Variants in ADAMTS16 observed in about 807,000 individuals in gnomAD.
ADAMTS16 encodes A disintegrin and metalloproteinase with thrombospondin motifs 16.
In ADAMTS16, 94 loss-of-function variants were observed where a neutral mutation model predicts 145.8. The observed-to-expected ratio is 0.64, with a 90% CI of 0.55 to 0.77. ADAMTS16 has a LOEUF of 0.77. ADAMTS16 is among the 30% of genes least tolerant of loss of function. The pLI, the probability that ADAMTS16 is intolerant of heterozygous loss-of-function variation, is 0.00. For missense variants in ADAMTS16, 1,585 were observed against 1,591.5 expected, an observed-to-expected ratio of 1.00 and a Z score of 0.07; for synonymous variants, 659 against 604.3, an observed-to-expected ratio of 1.09 and a Z score of -1.33.
chr5:5,260,864 T>C (rs1044520510), intron 17 of ADAMTS16, among the ~76,000 whole-genome samples: 1 of 152,240 alleles, frequency 6.6e-6, no homozygotes, highest in African/African-American at 2.4e-5. Flanking sequence ...GGAACTGGCA[T>C]GAGGGATTTT....
chr5:5,266,206 GC>G (rs1341286712), intron 18 of ADAMTS16, among the ~76,000 whole-genome samples: 1 of 152,152 alleles, frequency 6.6e-6, no homozygotes, highest in Admixed American at 6.5e-5. Flanking sequence ...ACTCTGTGAA[GC>G]CCATCTAGAG....
intron 3 of ADAMTS16, among the ~76,000 whole-genome samples, chr5:5,175,255 A>G (rs553744320): frequency 1.4e-4 from 21 of 152,060 alleles, no homozygotes; most frequent in Non-Finnish European, 2.2e-4. Flanking sequence ...ATTCCCTTCA[A>G]TGCAGCTGGT....
intron 18 of ADAMTS16, among the ~76,000 whole-genome samples, chr5:5,297,442 T>G (rs1053947999): frequency 2.0e-5 from 3 of 152,228 alleles, no homozygotes; most frequent in Admixed American, 2.0e-4. Context: ...TAAAAGGGAA[T>G]GCAAAAGCCC....
intron 18 of ADAMTS16, among the ~76,000 whole-genome samples, chr5:5,272,602 T>C (rs369938836): frequency 6.6e-6 from 1 of 152,132 alleles, no homozygotes; most frequent in African/African-American, 2.4e-5. Flanking sequence ...CCTGACCTGG[T>C]GATCCGCCTG....
chr5:5,303,518 C>A, intron 19 of ADAMTS16, 49 bp downstream of exon 19: 1 of 1,608,330 alleles, frequency 6.2e-7, no homozygotes. Context: ...CCTGCATGAT[C>A]TGCTGTGTTG....
chr5:5,148,273 T>C (rs1375233946), intron 3 of ADAMTS16, among the ~76,000 whole-genome samples: 2 of 152,190 alleles, frequency 1.3e-5, no homozygotes, highest in Non-Finnish European at 2.9e-5. Context: ...TGAGGCTTAG[T>C]GTTTTCGTCA....
At position 5,320,173 on chromosome 5, in the gene ADAMTS16, C is replaced by T. The variant is rs1734230367; in HGVS notation, c.*1035C>T. 1 of 312,912 alleles carries T rather than the reference C, an allele frequency of 3.2e-6. No individual in the cohort carries two copies. Among genetic ancestry groups the T allele is most frequent in the African/African-American group, 2.3e-5 (1 of 43,436 alleles). The allele number at this position is 312,912 out of a possible 1,614,324, so 19.4% of individuals were successfully genotyped here. ...GTTAGGGTGGGAATCTGCCCGGCGTCTCTGGCACCCTCCCTGCCATCCTCA... is the reference window on the plus strand; with the variant it reads ...GTTAGGGTGGGAATCTGCCCGGCGTTTCTGGCACCCTCCCTGCCATCCTCA... On this transcript the variant is annotated 3_prime_UTR_variant, in exon 23 of 23. Coordinates refer to ENST00000274181, the MANE Select transcript of ADAMTS16 (RefSeq NM_139056.4). The surrounding 1 kb of genome is among the most constrained non-coding windows in gnomAD (Gnocchi z 5.1).
At chr5:5,141,838 A>G (rs1734176521) in intron 2 of ADAMTS16, among the ~76,000 whole-genome samples, 1 of 152,158 alleles carries the variant, frequency 6.6e-6, no homozygotes, top group Non-Finnish European at 1.5e-5. Flanking sequence ...CGCTCACCAT[A>G]GTACCTTTTT....
At chr5:5,288,704 A>G (rs984366618) in intron 18 of ADAMTS16, among the ~76,000 whole-genome samples, 2 of 152,204 alleles carry the variant, frequency 1.3e-5, no homozygotes, top group Non-Finnish European at 2.9e-5. Flanking sequence ...CATTTTTTCT[A>G]GGTCATTTTA....
At chr5:5,217,150 G>A (rs1736461141) in intron 10 of ADAMTS16, among the ~76,000 whole-genome samples, 2 of 151,974 alleles carry the variant, frequency 1.3e-5, no homozygotes, top group Admixed American at 1.3e-4. Context: ...CTAGCCATAT[G>A]TAGAAAGCTG....
intron 3 of ADAMTS16, among the ~76,000 whole-genome samples, chr5:5,166,949 G>C (rs547128993): frequency 6.6e-6 from 1 of 152,122 alleles, no homozygotes. Flanking sequence ...CCAGCTGCTC[G>C]CTTCATCAAA....
chr5:5,230,358 A>G (rs1195334847), intron 11 of ADAMTS16, among the ~76,000 whole-genome samples: 3 of 152,228 alleles, frequency 2.0e-5, no homozygotes, highest in Non-Finnish European at 4.4e-5. Flanking sequence ...TGGAATTTTG[A>G]ATACTCACTA....
At chr5:5,186,288 T>C (rs768019285) in intron 5 of ADAMTS16, 37 bp downstream of exon 5, 3 of 1,571,132 alleles carry the variant, frequency 1.9e-6, no homozygotes, top group South Asian at 1.1e-5. Context: ...ACCTGTGTCA[T>C]TGCACTTCGT....
intron 17 of ADAMTS16, among the ~76,000 whole-genome samples, chr5:5,243,304 C>T (rs1441361130): frequency 6.6e-6 from 1 of 152,190 alleles, no homozygotes; most frequent in East Asian, 1.9e-4. Flanking sequence ...ACATGACTAC[C>T]TTCTGCACAG....
At chr5:5,227,134 A>C (rs1369445495) in intron 11 of ADAMTS16, among the ~76,000 whole-genome samples, 2 of 152,240 alleles carry the variant, frequency 1.3e-5, no homozygotes, top group Non-Finnish European at 2.9e-5. Context: ...GGCTCAGAGC[A>C]CATGGGTGCC....
intron 10 of ADAMTS16, among the ~76,000 whole-genome samples, chr5:5,217,512 G>A (rs1465612920): frequency 6.6e-6 from 1 of 152,106 alleles, no homozygotes; most frequent in Admixed American, 6.5e-5. Flanking sequence ...TCTGTAATCC[G>A]ACTCAAGTTG....
At chr5:5,199,503 C>A (rs931412396) in intron 8 of ADAMTS16, among the ~76,000 whole-genome samples, 8 of 152,334 alleles carry the variant, frequency 5.3e-5, no homozygotes, top group Admixed American at 2.0e-4. Flanking sequence ...AATAGACAGA[C>A]AGATTCAGGT....
chr5:5,151,517 T>A (rs1049506734), intron 3 of ADAMTS16, among the ~76,000 whole-genome samples: 1 of 152,054 alleles, frequency 6.6e-6, no homozygotes. Context: ...GAACCACAGG[T>A]GTGAACCACT....
At chr5:5,219,639 T>A (rs1736536535) in intron 10 of ADAMTS16, among the ~76,000 whole-genome samples, 1 of 152,218 alleles carries the variant, frequency 6.6e-6, no homozygotes, top group African/African-American at 2.4e-5. Flanking sequence ...CCGTGGGTTA[T>A]ATGATCGTCA....
Sources: gnomAD v4.1 joint callset for allele counts (sites outside exome capture counted in the v4.1 genomes callset) on GRCh38, gnomAD v4.1.1 for gene constraint, Gnocchi (gnomAD v3.1) non-coding constraint, MANE v1.5 for transcripts, NCBI Gene and HGNC (gene_info 2026-07-23, HGNC 2026-07-21) for gene names.